C18orf63: variants seen among roughly 807,000 people sequenced by gnomAD.
The protein encoded by C18orf63 is chromosome 18 open reading frame 63.
C18orf63 carries 50 observed loss-of-function variants against 75.3 expected under a neutral mutation model. That is an observed-to-expected ratio of 0.66 (90% CI 0.53 to 0.84). The LOEUF (loss-of-function observed/expected upper bound fraction) is 0.84, where lower values mean the gene tolerates loss of function less well. Among genes scored for constraint, C18orf63 ranks in the 40% least tolerant of loss-of-function variants. The pLI is 0.00. For missense variants in C18orf63, 732 were observed against 800.2 expected (o/e 0.91, Z 1.03); for synonymous variants, 232 against 267.6 (o/e 0.87, Z 1.30).
At chr18:74,338,166 A>G (rs927606990) in intron 7 of C18orf63, among the ~76,000 whole-genome samples, 11 of 152,140 alleles carry the variant, frequency 7.2e-5, no homozygotes, top group African/African-American at 2.7e-4. Flanking sequence ...GTAATTGGCA[A>G]ACTCTTGTAG....
At chr18:74,335,028 T>C (rs1042647552) in intron 7 of C18orf63, among the ~76,000 whole-genome samples, 15 of 152,296 alleles carry the variant, frequency 9.8e-5, no homozygotes, top group Non-Finnish European at 8.8e-5. Context: ...CCCCAGCTCC[T>C]AAGTCTCATC....
chr18:74,351,324 A>G (rs958815607), intron 11 of C18orf63, among the ~76,000 whole-genome samples: 2 of 152,176 alleles, frequency 1.3e-5, no homozygotes, highest in African/African-American at 4.8e-5. Flanking sequence ...TCATGGGACA[A>G]TACTCCTCCC....
chr18:74,346,060 A>G (rs1379624047), intron 11 of C18orf63, among the ~76,000 whole-genome samples: 1 of 152,010 alleles, frequency 6.6e-6, no homozygotes, highest in Non-Finnish European at 1.5e-5. Flanking sequence ...TTCTCCACAT[A>G]TTAAATATAT....
intron 4 of C18orf63, 127 bp from the exon 5 acceptor site, chr18:74,327,820 A>AT (rs1984234257): frequency 1.6e-6 from 1 of 620,906 alleles, no homozygotes; most frequent in Non-Finnish European, 2.9e-6. Context: ...AGCAATGGCT[A>AT]TAAGTTTTAC....
At chr18:74,325,927 T>A (rs764740026) in intron 4 of C18orf63, among the ~76,000 whole-genome samples, 1 of 152,222 alleles carries the variant, frequency 6.6e-6, no homozygotes. Context: ...ATGACAGAAT[T>A]GCCCCATACT....
At chr18:74,353,101 A>G in intron 11 of C18orf63, 145 bp from the exon 12 acceptor site, 1 of 632,524 alleles carries the variant, frequency 1.6e-6, no homozygotes, top group Non-Finnish European at 2.7e-6. Flanking sequence ...CAGAAGGCTC[A>G]TTTTTATTTT....
intron 7 of C18orf63, among the ~76,000 whole-genome samples, chr18:74,338,067 T>C (rs952184856): frequency 6.6e-6 from 1 of 152,182 alleles, no homozygotes; most frequent in Admixed American, 6.5e-5. Flanking sequence ...CCATTAATAC[T>C]TTATTTTTTC....
chr18:74,326,757 T>C (rs1360575604), intron 4 of C18orf63, among the ~76,000 whole-genome samples: 5 of 152,210 alleles, frequency 3.3e-5, no homozygotes, highest in African/African-American at 1.2e-4. Context: ...ACTTGCCTGG[T>C]GTTTTAGGCA....
Position 74,353,594 on chromosome 18 carries a change from T to C in C18orf63, c.1327T>C (p.Leu443=). 1 of 1,536,314 alleles carries C rather than the reference T, an allele frequency of 6.5e-7. No homozygotes were observed. Among genetic ancestry groups the C allele is most frequent in the South Asian group, 1.2e-5 (1 of 84,060 alleles). ...PKFVPVFKNR[L]LQMNKNTSVL... Reference sequence around the variant, plus strand: ...GTTTGTACCAGTTTTCAAAAATAGATTGTTACAAATGAACAAAAATACCTC... The same window carrying C: ...GTTTGTACCAGTTTTCAAAAATAGACTGTTACAAATGAACAAAAATACCTC... Residue 443 remains leucine, a synonymous_variant, in exon 12 of 14, where the codon TTG becomes CTG. Transcript: ENST00000579455.
chr18:74,352,218 A>G (rs1292063310), intron 11 of C18orf63, among the ~76,000 whole-genome samples: 1 of 152,172 alleles, frequency 6.6e-6, no homozygotes, highest in Non-Finnish European at 1.5e-5. Flanking sequence ...TAGAAAGTAA[A>G]ATAGAGGTTA....
Position 74,353,993 on chromosome 18 carries a change from G to A in C18orf63, c.1726G>A (p.Gly576Ser). Residue 576 changes from glycine to serine, a missense_variant, in exon 12 of 14, where the codon GGT becomes AGT. This residue lies in a region of C18orf63 where 495 missense variants were observed against 508.7 expected (regional missense o/e 0.97). Coordinates refer to ENST00000579455, the MANE Select transcript of C18orf63 (RefSeq NM_001174123.2). The part of the protein sequence containing the change: ...MKGKENLTGK[G>S]ITQILGKSHG... ...AGGAAAAGAAAATTTAACAGGCAAA[G>A]GTATAACACAAATTTTAGGGAAAAG... The A allele has an allele frequency of 1.3e-6, 2 of 1,536,368 alleles. No homozygotes were observed. The highest frequency in any genetic ancestry group is 2.4e-5 in the East Asian group (1 of 40,896).
intron 6 of C18orf63, among the ~76,000 whole-genome samples, chr18:74,329,827 C>T (rs949087306): frequency 1.3e-5 from 2 of 152,184 alleles, no homozygotes; most frequent in African/African-American, 4.8e-5. Context: ...CAGATAGACA[C>T]TTTCCTAAAC....
Position 74,327,981 on chromosome 18 carries a change from T to A in C18orf63, c.305T>A (p.Leu102His). 1 of 1,535,702 alleles carries A rather than the reference T, an allele frequency of 6.5e-7. No individual in the cohort carries two copies. Among genetic ancestry groups the A allele is most frequent in the Non-Finnish European group, 8.7e-7 (1 of 1,146,488 alleles). The stretch of plus-strand genomic sequence containing the variant: ...CCACAAAGAGTAATTCCTGTAATTC[T>A]TCAGAACTGCCTGTCATATTCATTC... ...EAPQRVIPVILQNCLSYSFMA... is the reference protein window; with the variant it reads ...EAPQRVIPVIHQNCLSYSFMA... The change falls in exon 5 of 14, where the codon CTT becomes CAT. Residue 102 changes from leucine to histidine, a missense_variant. Leu to His is a moderately conservative substitution (Grantham distance 99, BLOSUM62 -3). This residue lies in a region of C18orf63 where 233 missense variants were observed against 272.7 expected (regional missense o/e 0.85). Coordinates refer to ENST00000579455, the MANE Select transcript of C18orf63 (RefSeq NM_001174123.2).
At chr18:74,355,271 T>C (rs1436315430) in intron 13 of C18orf63, among the ~76,000 whole-genome samples, 1 of 152,180 alleles carries the variant, frequency 6.6e-6, no homozygotes, top group Non-Finnish European at 1.5e-5. Context: ...AGTATTTGAG[T>C]CTATTCCTAT....
intron 11 of C18orf63, among the ~76,000 whole-genome samples, chr18:74,345,836 T>C (rs1423326069): frequency 6.6e-6 from 1 of 151,978 alleles, no homozygotes; most frequent in African/African-American, 2.4e-5. Context: ...TTATTATAAA[T>C]AGTGTTTTAA....
At chr18:74,316,600 G>A (rs749012962) in intron 1 of C18orf63, among the ~76,000 whole-genome samples, 1 of 151,972 alleles carries the variant, frequency 6.6e-6, no homozygotes, top group African/African-American at 2.4e-5. Flanking sequence ...GTAGGTGCCT[G>A]TTGCCTGCTC....
chr18:74,324,469 G>A (rs554972950), intron 4 of C18orf63, among the ~76,000 whole-genome samples: 7 of 152,174 alleles, frequency 4.6e-5, no homozygotes, highest in Admixed American at 1.3e-4. Flanking sequence ...TTATATCAGC[G>A]TATAGTTTTA....
Position 74,320,547 on chromosome 18 carries a change from T to A in C18orf63, c.169T>A (p.Ser57Thr). The A allele has an allele frequency of 6.5e-7, 1 of 1,534,652 alleles. No individual in the cohort carries two copies. Among genetic ancestry groups the A allele is most frequent in the Non-Finnish European group, 8.7e-7 (1 of 1,146,038 alleles). The change falls in exon 3 of 14, where the codon TCA (serine) becomes ACA (threonine). Residue 57 changes from serine (S) to threonine (T), a missense_variant. Coordinates refer to ENST00000579455, the MANE Select transcript of C18orf63 (RefSeq NM_001174123.2). The part of the protein sequence containing the change: ...LLFLHQDILT[S>T]PVSGILNQIW... ...GTTTTTGCATCAAGATATTCTTACA[T>A]CACCTGTGTCTGGAATATTAAACCA...
chr18:74,352,348 T>C (rs77796769), intron 11 of C18orf63, among the ~76,000 whole-genome samples: 3,596 of 152,270 alleles, frequency 0.024, 125 homozygotes, highest in East Asian at 0.17. Context: ...AGTACAGTGG[T>C]AAATGTACTT....
Sources: gnomAD v4.1 joint callset for allele counts (sites outside exome capture counted in the v4.1 genomes callset) on GRCh38, gnomAD v4.1.1 for gene constraint, gnomAD v4.1.1 regional missense constraint, MANE v1.5 for transcripts, NCBI Gene and HGNC (gene_info 2026-07-23, HGNC 2026-07-21) for gene names.